Variants in SH2B3 observed in about 807,000 individuals in gnomAD.
The protein encoded by SH2B3 is SH2B adapter protein 3.
Under a neutral mutation model 51.9 loss-of-function variants are expected in SH2B3, and 43 were observed. The ratio of observed to expected loss-of-function variants is 0.83; its 90% CI spans 0.65 to 1.07. SH2B3 has a LOEUF of 1.07. Ranked by LOEUF, SH2B3 falls within the 50% of genes least tolerant of loss-of-function variation. The probability of loss-of-function intolerance (pLI) is 0.00; values close to 1 mark genes in which losing one functional copy is unlikely to be tolerated. For synonymous variants in SH2B3, 396 were observed against 376.0 expected (o/e 1.05, Z -0.62); for missense variants, 952 against 834.3 (o/e 1.14, Z -1.74).
intron 2 of SH2B3, among the ~76,000 whole-genome samples, chr12:111,419,684 A>T (rs1871380048): frequency 6.6e-6 from 1 of 152,152 alleles, no homozygotes; most frequent in African/African-American, 2.4e-5. Context: ...CAAAGATAGT[A>T]GTGTTCCTTT....
intron 2 of SH2B3, among the ~76,000 whole-genome samples, chr12:111,430,860 G>T (rs1484651190): frequency 1.3e-5 from 2 of 152,174 alleles, no homozygotes; most frequent in East Asian, 3.9e-4. Context: ...TCCCACAGGT[G>T]GGTCCCCAGG....
rs1871488664 is a variant in SH2B3 at position 111,420,831 on chromosome 12, T to A, written c.732+1954T>A. ...TCTAAAGGAAAAGCAATGGGGTCTC[T>A]GGGAGGATAACTGAGGGGTCCCGGT... On this transcript the variant is annotated intron_variant, in intron 2 of 7. Transcript: ENST00000341259. Among the ~76,000 whole-genome samples the A allele has an allele frequency of 2.6e-5, 4 of 152,222 alleles. No individual in the cohort carries two copies. The South Asian group carries it at 8.3e-4, about 31-fold the overall frequency.
intron 2 of SH2B3, among the ~76,000 whole-genome samples, chr12:111,428,951 AGG>A (rs1396885119): frequency 2.7e-5 from 4 of 149,374 alleles, no homozygotes; most frequent in African/African-American, 7.4e-5. Context: ...GGTGTGGGAA[AGG>A]GGAAGCAGAA....
At chr12:111,426,299 A>G (rs1871989266) in intron 2 of SH2B3, among the ~76,000 whole-genome samples, 1 of 151,716 alleles carries the variant, frequency 6.6e-6, no homozygotes, top group Non-Finnish European at 1.5e-5. Context: ...TTATATTTCT[A>G]GGTTTTATGG....
At chr12:111,425,194 G>A (rs1048235130) in intron 2 of SH2B3, among the ~76,000 whole-genome samples, 10 of 152,154 alleles carry the variant, frequency 6.6e-5, no homozygotes, top group African/African-American at 1.9e-4. Flanking sequence ...TGAGGGCTGC[G>A]CTGGGAGAGA....
intron 1 of SH2B3, among the ~76,000 whole-genome samples, chr12:111,416,562 C>T (rs1456527905): frequency 1.3e-5 from 2 of 151,922 alleles, no homozygotes; most frequent in Admixed American, 6.6e-5. Context: ...GGCACCATCT[C>T]AGCTCACTGC....
chr12:111,418,932 C>T lies in SH2B3; in HGVS notation c.732+55C>T. The T allele has an allele frequency of 1.5e-6, 2 of 1,350,608 alleles. No individual in the cohort carries two copies. The highest frequency in any genetic ancestry group is 1.7e-5 in the South Asian group (1 of 57,534). 83.7% of individuals were successfully genotyped at this position (1,350,608 alleles called of 1,614,324 possible). ...ACTGCACTGCGCCCTTCGCCTTCAC[C>T]CTGGGGAGAGCGCGGGCTGGGGAGG... On this transcript the variant is annotated intron_variant, in intron 2 of 7. Transcript: ENST00000341259. This position sits in a 1 kb window ranked among gnomAD's most constrained non-coding sequence, Gnocchi z 6.7.
chr12:111,418,569 C>T lies in SH2B3; in HGVS notation c.424C>T (p.Leu142Phe), dbSNP rs751562450. Residue 142 changes from leucine to phenylalanine, a missense_variant, in exon 2 of 8, where the codon CTC (leucine) becomes TTC (phenylalanine). Physicochemically the swap from Leu to Phe is conservative, Grantham distance 22. Coordinates refer to ENST00000341259, the MANE Select transcript of SH2B3 (RefSeq NM_005475.3). The surrounding 1 kb of genome is among the most constrained non-coding windows in gnomAD (Gnocchi z 6.7). ...PCSFQHFRRSLRHIFRRRSAG... is the reference protein window; with the variant it reads ...PCSFQHFRRSFRHIFRRRSAG... Reference sequence around the variant, plus strand: ...CTCCTTCCAGCACTTTCGCCGCAGCCTCCGCCACATCTTCCGCCGCCGCTC... The same window carrying T: ...CTCCTTCCAGCACTTTCGCCGCAGCTTCCGCCACATCTTCCGCCGCCGCTC... 15 of 1,478,386 alleles carry T rather than the reference C, an allele frequency of 1.0e-5. No homozygotes were observed. The highest frequency in any genetic ancestry group is 9.2e-5 in the East Asian group (3 of 32,754). The allele number at this position is 1,478,386 out of a possible 1,614,324, so 91.6% of individuals were successfully genotyped here. A position where few individuals can be genotyped will look rare whatever the true frequency, so the allele number is the denominator to read the frequency against.
rs748102313 is a variant in SH2B3 at position 111,448,354 on chromosome 12, A to AGT, written c.*56_*57dup. 1.1e-5 allele frequency: 14 copies of AGT among 1,278,504 alleles called. No homozygotes were observed. In the South Asian group the frequency reaches 1.2e-4, roughly 11 times the overall value. 79.2% of individuals were successfully genotyped at this position (1,278,504 alleles called of 1,614,324 possible). On this transcript the variant is annotated 3_prime_UTR_variant, in exon 8 of 8. Transcript: ENST00000341259. ...GCTGCCCTTGAGGAGCACAGGCAGAAGTGTGAACTTGTGAATGTAATTGAT... is the reference window on the plus strand; with the variant it reads ...GCTGCCCTTGAGGAGCACAGGCAGAAGTGTGTGAACTTGTGAATGTAATTGAT...
At chr12:111,426,048 G>A (rs1440084195) in intron 2 of SH2B3, among the ~76,000 whole-genome samples, 1 of 152,234 alleles carries the variant, frequency 6.6e-6, no homozygotes, top group Non-Finnish European at 1.5e-5. Context: ...GTTTGATGGA[G>A]CAGGGATAGC....
In SH2B3 at chr12:111,429,476, C is replaced by T. The variant is rs533110152; in HGVS notation, c.732+10599C>T. On this transcript the variant is annotated intron_variant, in intron 2 of 7. Coordinates refer to ENST00000341259, the MANE Select transcript of SH2B3 (RefSeq NM_005475.3). The surrounding 1 kb of genome is among the most constrained non-coding windows in gnomAD (Gnocchi z 4.4). ...CCTCCCGAGTAGCTGGGATTACAGG[C>T]GCCCACCACCACACTCCGCTAATTT... is the stretch of plus-strand genomic sequence containing the variant. Among the ~76,000 whole-genome samples the T allele has an allele frequency of 3.3e-5, 5 of 152,264 alleles. No homozygotes were observed. Among genetic ancestry groups the T allele is most frequent in the Non-Finnish European group, 7.4e-5 (5 of 68,026 alleles).
At position 111,410,780 on chromosome 12, in the gene SH2B3, G is replaced by A. The variant is rs1215328703; in HGVS notation, c.-28+4503G>A. ...GCTTCCCGTGGGCATCTCTGCGTCT[G>A]GCAACTTGAATGCTGTGAAAGGGCA... On this transcript the variant is annotated intron_variant, in intron 1 of 7. Coordinates refer to ENST00000341259, the MANE Select transcript of SH2B3 (RefSeq NM_005475.3). The surrounding 1 kb of genome is among the most constrained non-coding windows in gnomAD (Gnocchi z 4.9). Among the ~76,000 whole-genome samples the A allele has an allele frequency of 6.6e-6, 1 of 152,234 alleles. No homozygotes were observed. The highest frequency in any genetic ancestry group is 1.5e-5 in the Non-Finnish European group (1 of 68,036).
rs970054136 is a variant in SH2B3 at position 111,410,077 on chromosome 12, G to A, written c.-28+3800G>A. On this transcript the variant is annotated intron_variant, in intron 1 of 7. Coordinates refer to ENST00000341259, the MANE Select transcript of SH2B3 (RefSeq NM_005475.3). The surrounding 1 kb of genome is among the most constrained non-coding windows in gnomAD (Gnocchi z 4.9). ...CCCCCCGGCTGGCCAGTGGGGAGCC[G>A]GCTGCTGCCCAGGACATGTGTCCCC... is the stretch of plus-strand genomic sequence containing the variant. Among the ~76,000 whole-genome samples, 1 of 152,162 alleles carries A rather than the reference G, an allele frequency of 6.6e-6. No individual in the cohort carries two copies. Among genetic ancestry groups the A allele is most frequent in the African/African-American group, 2.4e-5 (1 of 41,444 alleles).
At chr12:111,441,023 G>T (rs1162827527) in intron 2 of SH2B3, among the ~76,000 whole-genome samples, 2 of 152,116 alleles carry the variant, frequency 1.3e-5, no homozygotes, top group African/African-American at 4.8e-5. Context: ...TCTTGCTTGA[G>T]CCCAGGAGGT....
chr12:111,421,471 C>T (rs1180513059), intron 2 of SH2B3, among the ~76,000 whole-genome samples: 1 of 138,564 alleles, frequency 7.2e-6, no homozygotes, highest in African/African-American at 2.8e-5. Context: ...TGCAGTGGCT[C>T]GATCTCAGCT....
chr12:111,418,751 C>T lies in SH2B3; in HGVS notation c.606C>T (p.Arg202=). The T allele has an allele frequency of 6.7e-7, 1 of 1,482,658 alleles. No homozygotes were observed. The allele number at this position is 1,482,658 out of a possible 1,614,324, so 91.8% of individuals were successfully genotyped here. A position where few individuals can be genotyped will look rare whatever the true frequency, so the allele number is the denominator to read the frequency against. ...PPEALKEAVL[R]YSLADEASMD... ...AGGCGCTGAAGGAGGCGGTGCTGCG[C>T]TACAGCCTGGCCGACGAGGCCTCCA... Residue 202 remains arginine, a synonymous_variant, in exon 2 of 8, where the codon CGC becomes CGT. Transcript: ENST00000341259. The surrounding 1 kb of genome is among the most constrained non-coding windows in gnomAD (Gnocchi z 6.7).
Position 111,418,926 on chromosome 12 carries a change from C to T in SH2B3, c.732+49C>T, listed in dbSNP as rs964306578. 4 of 1,360,132 alleles carry T rather than the reference C, an allele frequency of 2.9e-6. No homozygotes were observed. Among genetic ancestry groups the T allele is most frequent in the Non-Finnish European group, 2.8e-6 (3 of 1,063,512 alleles). The allele number at this position is 1,360,132 out of a possible 1,614,324, so 84.3% of individuals were successfully genotyped here. A position where few individuals can be genotyped will look rare whatever the true frequency, so the allele number is the denominator to read the frequency against. On this transcript the variant is annotated intron_variant, in intron 2 of 7. Transcript: ENST00000341259. This position sits in a 1 kb window ranked among gnomAD's most constrained non-coding sequence, Gnocchi z 6.7. ...TTGCGCACTGCACTGCGCCCTTCGC[C>T]TTCACCCTGGGGAGAGCGCGGGCTG...
In SH2B3 at chr12:111,418,767, G is replaced by A. The variant is rs202080221; in HGVS notation, c.622G>A (p.Glu208Lys). Residue 208 changes from glutamate to lysine, a missense_variant, in exon 2 of 8, where the codon GAG becomes AAG. Glu to Lys is a moderately conservative substitution (Grantham distance 56). Coordinates refer to ENST00000341259, the MANE Select transcript of SH2B3 (RefSeq NM_005475.3). This position sits in a 1 kb window ranked among gnomAD's most constrained non-coding sequence, Gnocchi z 6.7. ...EAVLRYSLADEASMDSGARWQ... is the reference protein window; with the variant it reads ...EAVLRYSLADKASMDSGARWQ... Reference sequence around the variant, plus strand: ...GGTGCTGCGCTACAGCCTGGCCGACGAGGCCTCCATGGACAGCGGGGCACG... The same window carrying A: ...GGTGCTGCGCTACAGCCTGGCCGACAAGGCCTCCATGGACAGCGGGGCACG... 4 of 1,478,582 alleles carry A rather than the reference G, an allele frequency of 2.7e-6. No homozygotes were observed. Among genetic ancestry groups the A allele is most frequent in the Non-Finnish European group, 3.6e-6 (4 of 1,123,040 alleles). 91.6% of individuals were successfully genotyped at this position (1,478,582 alleles called of 1,614,324 possible).
rs952250839 is a variant in SH2B3, at chr12:111,409,323, G to A, written c.-28+3046G>A. Among the ~76,000 whole-genome samples, 4 of 152,200 alleles carry A rather than the reference G, an allele frequency of 2.6e-5. No individual in the cohort carries two copies. Among genetic ancestry groups the A allele is most frequent in the Non-Finnish European group, 1.5e-5 (1 of 68,032 alleles). ...AGAAAAGGAGGCATGCACAGTGCCC[G>A]GCATGCAATTGGCACTCAATAAGTG... On this transcript the variant is annotated intron_variant, in intron 1 of 7. Transcript: ENST00000341259. The surrounding 1 kb of genome is among the most constrained non-coding windows in gnomAD (Gnocchi z 4.0).
Sources: gnomAD v4.1 joint callset for allele counts (sites outside exome capture counted in the v4.1 genomes callset) on GRCh38, gnomAD v4.1.1 for gene constraint, Gnocchi (gnomAD v3.1) non-coding constraint, MANE v1.5 for transcripts, NCBI Gene and HGNC (gene_info 2026-07-23, HGNC 2026-07-21) for gene names.